The following KMT2C variants were observed in gnomAD, a reference collection of about 807,000 sequenced individuals.
The protein encoded by KMT2C is lysine methyltransferase 2C.
Under a neutral mutation model 507.9 loss-of-function variants are expected in KMT2C, and 88 were observed. The observed-to-expected ratio is 0.17, with a 90% confidence interval of 0.15 to 0.21. The LOEUF is 0.21. KMT2C is among the 10% of genes least tolerant of loss of function. The pLI is 1.00. For synonymous variants in KMT2C, 2,049 were observed against 2,080.8 expected (o/e 0.98, Z 0.42); for missense variants, 4,954 against 5,957.8 (o/e 0.83, Z 5.55).
At position 152,136,884 on chromosome 7, in the gene KMT2C, T is replaced by C; in HGVS notation, c.14684A>G (p.His4895Arg). The C allele has an allele frequency of 6.2e-7, 1 of 1,613,608 alleles. No homozygotes were observed. Among genetic ancestry groups the C allele is most frequent in the South Asian group, 1.1e-5 (1 of 91,080 alleles). The change falls in exon 59 of 59, where the codon CAC becomes CGC. Residue 4895 changes from histidine to arginine, a missense_variant. By Grantham distance (29) the His-to-Arg change is conservative. Coordinates refer to ENST00000262189, the MANE Select transcript of KMT2C (RefSeq NM_170606.3). Reference protein sequence around the residue: ...DYKFDFEDDQHKIPCHCGAVN... With the variant: ...DYKFDFEDDQRKIPCHCGAVN... ...AGCTCCACAGTGACACGGAATCTTG[T>C]GCTGGTCATCTTCAAAGTCAAACTT...
Position 152,187,440 on chromosome 7 carries a change from A to T in KMT2C, c.4830T>A (p.Asp1610Glu), listed in dbSNP as rs775998431. The T allele has an allele frequency of 1.2e-6, 2 of 1,614,110 alleles. No individual in the cohort carries two copies. The highest frequency in any genetic ancestry group is 1.7e-5 in the Admixed American group (1 of 60,026). ...CTGATGATGTCCAAGAGTTGTTAGG[A>T]TCACTTGCCATTGGATTAAAGGCTG... ...KNSAFNPMASDPNNSWTSSAP... is the reference protein window; with the variant it reads ...KNSAFNPMASEPNNSWTSSAP... Residue 1610 changes from aspartate to glutamate, a missense_variant, in exon 33 of 59, where the codon GAT (aspartate) becomes GAA (glutamate). Around this residue, in one of 29 missense-constraint regions of KMT2C, gnomAD observed 195 missense variants for 183.7 expected, o/e 1.06. Coordinates refer to ENST00000262189, the MANE Select transcript of KMT2C (RefSeq NM_170606.3).
rs369725088 is a variant in KMT2C, at chr7:152,311,941, C to G, written c.596G>C (p.Arg199Pro). The G allele has an allele frequency of 6.5e-7, 1 of 1,539,340 alleles. No individual in the cohort carries two copies. Among genetic ancestry groups the G allele is most frequent in the African/African-American group, 1.4e-5 (1 of 73,088 alleles). Reference protein sequence around the residue: ...PRKQRGQRKERSPQQNIVSCV... With the variant: ...PRKQRGQRKEPSPQQNIVSCV... ...AGATACTATATTCTGCTGAGGAGAT[C>G]GTTCTCTGAAAATAAAATAAAATAA... Residue 199 changes from arginine to proline, a missense_variant, in exon 5 of 59, where the codon CGA becomes CCA. By Grantham distance (103) the Arg-to-Pro change is moderately radical (BLOSUM62 -2). Coordinates refer to ENST00000262189, the MANE Select transcript of KMT2C (RefSeq NM_170606.3).
chr7:152,355,057 G>A (rs956585496), intron 2 of KMT2C, among the ~76,000 whole-genome samples: 3 of 152,164 alleles, frequency 2.0e-5, no homozygotes, highest in African/African-American at 7.2e-5. Context: ...TAATAGCAGT[G>A]GAGGGGTCAA....
At chr7:152,346,318 A>G (rs984595586) in intron 2 of KMT2C, among the ~76,000 whole-genome samples, 2 of 152,234 alleles carry the variant, frequency 1.3e-5, no homozygotes, top group African/African-American at 4.8e-5. Flanking sequence ...CTTACAAGGT[A>G]GACCACATTC....
chr7:152,158,733 C>A, intron 44 of KMT2C, 130 bp downstream of exon 44: 1 of 800,478 alleles, frequency 1.2e-6, no homozygotes, highest in Non-Finnish European at 2.1e-6. Flanking sequence ...CTAAGCTCAT[C>A]TAGAACTCAT....
intron 2 of KMT2C, among the ~76,000 whole-genome samples, chr7:152,331,642 ATTT>A (rs34778581): frequency 0.018 from 1,806 of 99,304 alleles, 37 homozygotes; most frequent in African/African-American, 0.075. Flanking sequence ...CAACAAAAAG[ATTT>A]TTTTTTTTTT....
intron 23 of KMT2C, 72 bp from the exon 24 acceptor site, chr7:152,207,500 T>C: frequency 7.2e-7 from 1 of 1,390,792 alleles, no homozygotes; most frequent in Non-Finnish European, 9.9e-7. Context: ...TAATGGGGAA[T>C]AAAAAGTAGG....
intron 23 of KMT2C, among the ~76,000 whole-genome samples, chr7:152,215,820 C>G (rs892572363): frequency 4.0e-5 from 6 of 151,764 alleles, no homozygotes; most frequent in African/African-American, 1.5e-4. Context: ...GAGATGTAAA[C>G]TGGGGGCATG....
At chr7:152,226,219 C>CTTTCTTTTTTTTTTTTTTTT (rs2094926929) in intron 18 of KMT2C, among the ~76,000 whole-genome samples, 1 of 94,958 alleles carries the variant, frequency 1.1e-5, no homozygotes, top group African/African-American at 4.2e-5. Context: ...ATTACAAGGC[C>CTTTCTTTTTTTTTTTTTTTT]TTTTTTTTTT....
chr7:152,194,624 T>G, intron 28 of KMT2C, 56 bp from the exon 29 acceptor site: 1 of 1,364,018 alleles, frequency 7.3e-7, no homozygotes, highest in Admixed American at 1.7e-5. Flanking sequence ...CACACAAAAA[T>G]GTATAGCACT....
In KMT2C at chr7:152,205,395, CAAAAAAAAAA is replaced by C. The variant is rs35077313; in HGVS notation, c.3842-180_3842-171del. 1.0e-4 allele frequency among the ~76,000 whole-genome samples: 6 copies of C among 57,214 alleles called. No individual in the cohort carries two copies. The East Asian group carries it at 3.3e-3, about 31-fold the overall frequency. The allele number at this position is 57,214 out of a possible 152,430, so 37.5% of individuals were successfully genotyped here. Reference sequence around the variant, plus strand: ...AGGTAAAATAGAAGTTAAAAACGACCAAAAAAAAAAAAAAAAAAGGCAAAGCCACTCTTAT... The same window carrying C: ...AGGTAAAATAGAAGTTAAAAACGACCAAAAAAAAGGCAAAGCCACTCTTAT... On this transcript the variant is annotated intron_variant, in intron 24 of 58. Coordinates refer to ENST00000262189, the MANE Select transcript of KMT2C (RefSeq NM_170606.3).
chr7:152,310,494 G>A (rs994559286), intron 5 of KMT2C, among the ~76,000 whole-genome samples: 1 of 152,128 alleles, frequency 6.6e-6, no homozygotes, highest in Non-Finnish European at 1.5e-5. Context: ...GAACCCAGGG[G>A]ACAGAGGTTG....
intron 1 of KMT2C, among the ~76,000 whole-genome samples, chr7:152,365,767 CTCTTTA>C: frequency 6.6e-6 from 1 of 152,290 alleles, no homozygotes; most frequent in East Asian, 1.9e-4. Context: ...TTTTATCTTT[CTCTTTA>C]TGTCATTTTA....
intron 6 of KMT2C, among the ~76,000 whole-genome samples, chr7:152,290,274 ATATATATATATATATATATATTTT>A (rs2096395972): frequency 4.0e-5 from 1 of 25,226 alleles, no homozygotes; most frequent in South Asian, 1.3e-3. Flanking sequence ...ATATATATAT[ATATATATATATATATATATATTTT>A]TTTTTTTTTT....
intron 1 of KMT2C, chr7:152,367,595 G>C: frequency 7.7e-7 from 1 of 1,292,970 alleles, no homozygotes; most frequent in Non-Finnish European, 1.1e-6. Flanking sequence ...GAGTATCCAG[G>C]TCCTTCTCAT....
chr7:152,187,661 A>C, intron 32 of KMT2C, 54 bp downstream of exon 32: 1 of 1,573,098 alleles, frequency 6.4e-7, no homozygotes, highest in Non-Finnish European at 8.7e-7. Context: ...ATTTATATAT[A>C]AATCAAACAG....
chr7:152,349,877 G>A (rs144726139), intron 2 of KMT2C, among the ~76,000 whole-genome samples: 58 of 152,232 alleles, frequency 3.8e-4, no homozygotes, highest in African/African-American at 1.2e-3. Context: ...GGCTATGCAC[G>A]TGTCGGGGAA....
intron 6 of KMT2C, among the ~76,000 whole-genome samples, chr7:152,287,377 T>C (rs946195063): frequency 6.6e-6 from 1 of 152,222 alleles, no homozygotes; most frequent in Non-Finnish European, 1.5e-5. Flanking sequence ...TTTTCACTCC[T>C]ACTCAGCATT....
intron 58 of KMT2C, chr7:152,137,588 C>A (rs769655722): frequency 6.6e-6 from 1 of 152,188 alleles, no homozygotes; most frequent in African/African-American, 2.4e-5. Flanking sequence ...CTGGAAAGAC[C>A]TTCTACACAG....
Sources: allele counts gnomAD v4.1 joint callset (sites outside exome capture counted in the v4.1 genomes callset), GRCh38; gene constraint gnomAD v4.1.1; regional missense constraint gnomAD v4.1.1; transcripts MANE v1.5; gene names NCBI Gene and HGNC (gene_info 2026-07-23, HGNC 2026-07-21).